Variants in NGRN observed in about 807,000 individuals in gnomAD.
NGRN encodes neugrin.
A neutral mutation model predicts 13.1 loss-of-function variants in NGRN; 12 were observed. The observed-to-expected ratio is 0.92, with a 90% CI of 0.59 to 1.49. The LOEUF is 1.49. NGRN is among the 40% of genes most tolerant of loss of function. The probability of loss-of-function intolerance (pLI) is 0.00; values close to 1 mark genes in which losing one functional copy is unlikely to be tolerated. For synonymous variants in NGRN, 149 were observed against 145.8 expected, an observed-to-expected ratio of 1.02 and a Z score of -0.16; for missense variants, 397 against 357.0, an observed-to-expected ratio of 1.11 and a Z score of -0.90.
intron 2 of NGRN, among the ~76,000 whole-genome samples, chr15:90,270,482 G>A (rs1298864707): frequency 6.6e-6 from 1 of 152,104 alleles, no homozygotes; most frequent in East Asian, 1.9e-4. Flanking sequence ...CAATTCCTGG[G>A]CCTGGCTATA....
chr15:90,270,771 G>A (rs2151660350), intron 2 of NGRN, among the ~76,000 whole-genome samples: 1 of 148,040 alleles, frequency 6.8e-6, no homozygotes, highest in South Asian at 2.1e-4. Flanking sequence ...CACAAGATAG[G>A]GACTAGCACA....
chr15:90,270,293 T>C (rs894645021), intron 2 of NGRN, among the ~76,000 whole-genome samples: 13 of 152,224 alleles, frequency 8.5e-5, no homozygotes, highest in South Asian at 8.3e-4. Context: ...CTAAGTGTGA[T>C]CTACTTCTTA....
Position 90,265,828 on chromosome 15 carries a change from C to G in NGRN, c.116C>G (p.Pro39Arg), listed in dbSNP as rs769759356. The change falls in exon 1 of 3, where the codon CCC (proline) becomes CGC (arginine). Residue 39 changes from proline to arginine, a missense_variant. Transcript: ENST00000379095. ...GPGPIGREPDPDSDWEPEERE... is the reference protein window; with the variant it reads ...GPGPIGREPDRDSDWEPEERE... ...GGCCCTATTGGCCGGGAGCCGGACC[C>G]CGATTCCGACTGGGAGCCGGAGGAA... is the stretch of plus-strand genomic sequence containing the variant. 1 of 1,609,248 alleles carries G rather than the reference C, an allele frequency of 6.2e-7. No homozygotes were observed. The highest frequency in any genetic ancestry group is 1.7e-5 in the Admixed American group (1 of 59,490).
rs915026908 is a variant in NGRN, at chr15:90,271,713, T to A, written c.801T>A (p.Asp267Glu). 6.2e-7 allele frequency: 1 copy of A among 1,614,040 alleles called. No homozygotes were observed. Among genetic ancestry groups the A allele is most frequent in the Non-Finnish European group, 8.5e-7 (1 of 1,180,042 alleles). ...KLEELKAEEP[D>E]NFSSKVVQRG... The stretch of plus-strand genomic sequence containing the variant: ...AGGAGTTGAAGGCAGAGGAGCCAGA[T>A]AACTTCAGCAGCAAAGTAGTGCAGA... The change falls in exon 3 of 3, where the codon GAT (aspartate) becomes GAA (glutamate). Residue 267 changes from aspartate to glutamate, a missense_variant. Transcript: ENST00000379095.
Position 90,271,817 on chromosome 15 carries a change from G to T in NGRN, c.*29G>T, listed in dbSNP as rs373078068. ...GGGGCTTGGCTTATGGAGATGCCTC[G>T]TGAAACACAGCTGGGCAAGTATTAA... is the stretch of plus-strand genomic sequence containing the variant. On this transcript the variant is annotated 3_prime_UTR_variant, in exon 3 of 3. Coordinates refer to ENST00000379095, the MANE Select transcript of NGRN (RefSeq NM_001033088.3). 22 of 1,607,010 alleles carry T rather than the reference G, an allele frequency of 1.4e-5. No individual in the cohort carries two copies. In the East Asian group the frequency reaches 4.0e-4, roughly 29 times the overall value.
In NGRN at chr15:90,265,791, G is replaced by T. The variant is rs750865918; in HGVS notation, c.79G>T (p.Val27Leu). Residue 27 changes from valine to leucine, a missense_variant, in exon 1 of 3, where the codon GTG becomes TTG. Coordinates refer to ENST00000379095, the MANE Select transcript of NGRN (RefSeq NM_001033088.3). ...TCGCTGTGGGTTCGCGACCCGGGGG[G>T]TGGCGGGCCCAGGCCCTATTGGCCG... is the stretch of plus-strand genomic sequence containing the variant. ...VTRCGFATRG[V>L]AGPGPIGREP... The T allele has an allele frequency of 2.5e-6, 4 of 1,612,520 alleles. No individual in the cohort carries two copies. The highest frequency in any genetic ancestry group is 8.5e-7 in the Non-Finnish European group (1 of 1,179,624).
chr15:90,270,016 T>C (rs1963482002), intron 2 of NGRN, among the ~76,000 whole-genome samples: 2 of 152,218 alleles, frequency 1.3e-5, no homozygotes, highest in South Asian at 4.1e-4. Flanking sequence ...GACCAATCTT[T>C]CTGCCTATAC....
At chr15:90,270,960 C>T (rs1321274727) in intron 2 of NGRN, among the ~76,000 whole-genome samples, 1 of 152,132 alleles carries the variant, frequency 6.6e-6, no homozygotes, top group Non-Finnish European at 1.5e-5. Flanking sequence ...CACGTGGTAG[C>T]TCATGCCTGT....
chr15:90,269,569 G>C (rs376475208), intron 2 of NGRN, among the ~76,000 whole-genome samples: 39 of 151,660 alleles, frequency 2.6e-4, no homozygotes, highest in African/African-American at 9.2e-4. Context: ...ATAGAGTTCT[G>C]TCCTTGTCAT....
chr15:90,266,060 A>T, intron 1 of NGRN, 184 bp downstream of exon 1: 7 of 1,422,526 alleles, frequency 4.9e-6, no homozygotes, highest in Non-Finnish European at 5.5e-6. Flanking sequence ...TCCCTTCATT[A>T]GTGACGTATT....
rs1305548566 is a variant in NGRN at position 90,271,526 on chromosome 15, G to A, written c.614G>A (p.Arg205Lys). Residue 205 changes from arginine (R) to lysine (K), a missense_variant, in exon 3 of 3, where the codon AGG becomes AAG. Transcript: ENST00000379095. ...GACACTCACAGGACAAATACACCAA[G>A]GAGAAGGAAGGGAAGAAATAAAGAA... ...ESDTHRTNTP[R>K]RRKGRNKEIQ... is the part of the protein sequence containing the mutation. The A allele has an allele frequency of 1.2e-6, 2 of 1,614,090 alleles. No individual in the cohort carries two copies. Among genetic ancestry groups the A allele is most frequent in the Non-Finnish European group, 1.7e-6 (2 of 1,180,030 alleles).
In NGRN at chr15:90,271,980, C is replaced by G; in HGVS notation, c.*192C>G. On this transcript the variant is annotated 3_prime_UTR_variant, in exon 3 of 3. Transcript: ENST00000379095. The stretch of plus-strand genomic sequence containing the variant: ...TGTGGTAGTGCTCCCAGTCTGACCT[C>G]TGTAGACCTTCAGTACTCACTCTTC... 2 of 668,050 alleles carry G rather than the reference C, an allele frequency of 3.0e-6. No individual in the cohort carries two copies. Among genetic ancestry groups the G allele is most frequent in the Middle Eastern group, 4.2e-4 (1 of 2,398 alleles). 41.4% of individuals were successfully genotyped at this position (668,050 alleles called of 1,614,324 possible). A position where few individuals can be genotyped will look rare whatever the true frequency, so the allele number is the denominator to read the frequency against.
Position 90,265,785 on chromosome 15 carries a change from C to A in NGRN, c.73C>A (p.Arg25=), listed in dbSNP as rs1304474946. The A allele has an allele frequency of 6.2e-7, 1 of 1,612,360 alleles. No individual in the cohort carries two copies. The highest frequency in any genetic ancestry group is 2.2e-5 in the East Asian group (1 of 44,854). ...CGTCACTCGCTGTGGGTTCGCGACC[C>A]GGGGGGTGGCGGGCCCAGGCCCTAT... The part of the protein sequence containing the change: ...AAVTRCGFAT[R]GVAGPGPIGR... Residue 25 remains arginine (R), a synonymous_variant, in exon 1 of 3, where the codon CGG becomes AGG. Transcript: ENST00000379095.
At chr15:90,268,946 A>C (rs1421557064) in intron 2 of NGRN, among the ~76,000 whole-genome samples, 2,250 of 29,866 alleles carry the variant, frequency 0.075, 12 homozygotes, top group South Asian at 0.1. Flanking sequence ...GCTTTCTCCC[A>C]CCCCCCCCCC....
rs984390722 is a variant in NGRN, at chr15:90,271,166, A to C, written c.276-22A>C. The C allele has an allele frequency of 2.5e-6, 4 of 1,597,770 alleles. No homozygotes were observed. In the African/African-American group the frequency reaches 4.1e-5, roughly 16 times the overall value. ...ATAGGAGACTTCTTCACAACTTGCAAACCTGCTCCTTCTTCCCGTAGGTAT... is the reference window on the plus strand; with the variant it reads ...ATAGGAGACTTCTTCACAACTTGCACACCTGCTCCTTCTTCCCGTAGGTAT... On this transcript the variant is annotated intron_variant, in intron 2 of 2. Coordinates refer to ENST00000379095, the MANE Select transcript of NGRN (RefSeq NM_001033088.3).
chr15:90,267,029 CT>C (rs36090180), intron 2 of NGRN, among the ~76,000 whole-genome samples: 334 of 134,734 alleles, frequency 2.5e-3, no homozygotes, highest in Middle Eastern at 3.9e-3. Flanking sequence ...CCTGTGGGTA[CT>C]TTTTTTTTTT....
chr15:90,266,293 T>G lies in NGRN; in HGVS notation c.170T>G (p.Leu57Arg). 1.2e-6 allele frequency: 2 copies of G among 1,613,108 alleles called. No homozygotes were observed. The highest frequency in any genetic ancestry group is 1.7e-6 in the Non-Finnish European group (2 of 1,179,610). ...ERELQEVEST[L>R]KRQKQAIRFQ... is the part of the protein sequence containing the mutation. ...CATTGGTTCTCTTCCCCCAGCACCC[T>G]GAAACGACAGAAACAAGCAATCCGA... is the stretch of plus-strand genomic sequence containing the variant. Residue 57 changes from leucine to arginine, a missense_variant, in exon 2 of 3, where the codon CTG (leucine) becomes CGG (arginine). Leu to Arg is a moderately radical substitution (Grantham distance 102). Coordinates refer to ENST00000379095, the MANE Select transcript of NGRN (RefSeq NM_001033088.3).
intron 2 of NGRN, among the ~76,000 whole-genome samples, chr15:90,268,821 G>T (rs1033646463): frequency 2.7e-5 from 4 of 150,814 alleles, no homozygotes; most frequent in Non-Finnish European, 5.9e-5. Context: ...ATAAAGACAG[G>T]ATTTTGCCAT....
In NGRN at chr15:90,265,881, C is replaced by T. The variant is rs368783505; in HGVS notation, c.164+5C>T. On this transcript the variant is annotated splice_donor_5th_base_variant and intron_variant, in intron 1 of 2. Coordinates refer to ENST00000379095, the MANE Select transcript of NGRN (RefSeq NM_001033088.3). ...GGAGCTGCAGGAGGTGGAGAGGTAC[C>T]GGCTTCTCCCCGGGCCCTCAGCTTG... The T allele has an allele frequency of 1.7e-5, 26 of 1,562,054 alleles. No individual in the cohort carries two copies. The African/African-American group carries it at 3.2e-4, about 19-fold the overall frequency.
Sources: gnomAD v4.1 joint callset for allele counts (sites outside exome capture counted in the v4.1 genomes callset) on GRCh38, gnomAD v4.1.1 for gene constraint, MANE v1.5 for transcripts, NCBI Gene and HGNC (gene_info 2026-07-23, HGNC 2026-07-21) for gene names.